Variants in IARS1 observed in about 807,000 individuals in gnomAD.
The protein encoded by IARS1 is isoleucyl-tRNA synthetase 1.
A neutral mutation model predicts 168.2 loss-of-function variants in IARS1; 124 were observed. The observed-to-expected ratio is 0.74, with a 90% CI of 0.64 to 0.86. The LOEUF (loss-of-function observed/expected upper bound fraction) is 0.86, where lower values mean the gene tolerates loss of function less well. Ranked by LOEUF, IARS1 falls within the 40% of genes least tolerant of loss-of-function variation. The pLI is 0.00. For missense variants in IARS1, 1,452 were observed against 1,515.8 expected, an observed-to-expected ratio of 0.96 and a Z score of 0.70; for synonymous variants, 532 against 529.4, an observed-to-expected ratio of 1.00 and a Z score of -0.07.
intron 24 of IARS1, 108 bp from the exon 25 acceptor site, chr9:92,250,049 A>G: frequency 1.2e-6 from 1 of 860,528 alleles, no homozygotes; most frequent in Non-Finnish European, 2.0e-6. Context: ...GTCAGGCTGG[A>G]CTAGTACTAA....
At chr9:92,237,532 T>C (rs759180134) in intron 30 of IARS1, among the ~76,000 whole-genome samples, 19 of 152,224 alleles carry the variant, frequency 1.2e-4, no homozygotes, top group Non-Finnish European at 5.9e-5. Context: ...AACTGGTCTA[T>C]TGATTACTGA....
In IARS1 at chr9:92,289,771, A is replaced by T. The variant is rs959481854; in HGVS notation, c.-7-345T>A. Among the ~76,000 whole-genome samples the T allele has an allele frequency of 4.6e-5, 7 of 152,226 alleles. No individual in the cohort carries two copies. The East Asian group carries it at 1.3e-3, about 29-fold the overall frequency. On this transcript the variant is annotated intron_variant, in intron 1 of 33. Transcript: ENST00000443024. ...GTCCCTGCAGATTTACCTATTCTGG[A>T]CATTTCATATAAATGGGAAAATTTA...
chr9:92,242,119 C>A, intron 29 of IARS1, 35 bp downstream of exon 29: 3 of 1,546,894 alleles, frequency 1.9e-6, no homozygotes, highest in Non-Finnish European at 2.7e-6. Flanking sequence ...AATCTGAAAC[C>A]CTTTAGTAGT....
chr9:92,256,833 A>G (rs777127073), intron 19 of IARS1, 33 bp from the exon 20 acceptor site: 22 of 1,583,026 alleles, frequency 1.4e-5, no homozygotes, highest in Non-Finnish European at 1.8e-5. Context: ...ACACTGGCAC[A>G]CTTGGGAAGA....
rs544714839 is a variant in IARS1, at chr9:92,251,900, G to C, written c.2230-15C>G. Reference sequence around the variant, plus strand: ...CCATTTTCACCCTAATGAGTAAAAAGGAAACATAAACATTAAACTGTTAAA... The same window carrying C: ...CCATTTTCACCCTAATGAGTAAAAACGAAACATAAACATTAAACTGTTAAA... On this transcript the variant is annotated splice_polypyrimidine_tract_variant and intron_variant, in intron 21 of 33. Coordinates refer to ENST00000443024, the MANE Select transcript of IARS1 (RefSeq NM_002161.6). 4 of 1,573,434 alleles carry C rather than the reference G, an allele frequency of 2.5e-6. No homozygotes were observed. Among genetic ancestry groups the C allele is most frequent in the East Asian group, 4.5e-5 (2 of 44,680 alleles).
At chr9:92,258,499 G>C (rs1831048130) in intron 19 of IARS1, among the ~76,000 whole-genome samples, 1 of 152,230 alleles carries the variant, frequency 6.6e-6, no homozygotes, top group Admixed American at 6.5e-5. Flanking sequence ...GGGAGGCTGA[G>C]GCAGTGCCTC....
chr9:92,290,978 T>C (rs1322317512), intron 1 of IARS1, among the ~76,000 whole-genome samples: 1 of 152,186 alleles, frequency 6.6e-6, no homozygotes, highest in East Asian at 1.9e-4. Flanking sequence ...CATTTTACCC[T>C]TTTTATTGCT....
At chr9:92,288,731 G>A (rs561991419) in intron 2 of IARS1, among the ~76,000 whole-genome samples, 1 of 152,072 alleles carries the variant, frequency 6.6e-6, no homozygotes, top group Non-Finnish European at 1.5e-5. Context: ...CGAGGGTGGT[G>A]ATGAAAATAA....
rs1828757391 is a variant in IARS1 at position 92,243,557 on chromosome 9, C to T, written c.2905-246G>A. On this transcript the variant is annotated intron_variant, in intron 27 of 33. Coordinates refer to ENST00000443024, the MANE Select transcript of IARS1 (RefSeq NM_002161.6). ...TTGTTTTTTTGTAGGGTGCTGCTCA[C>T]AGGAGATGCCCTGGGACCACCTCTT... is the stretch of plus-strand genomic sequence containing the variant. 1.2e-5 allele frequency: 4 copies of T among 345,772 alleles called. No individual in the cohort carries two copies. In the South Asian group the frequency reaches 1.3e-4, roughly 11 times the overall value. 21.4% of individuals were successfully genotyped at this position (345,772 alleles called of 1,614,324 possible). A position where few individuals can be genotyped will look rare whatever the true frequency, so the allele number is the denominator to read the frequency against.
rs1174377006 is a variant in IARS1 at position 92,256,689 on chromosome 9, C to T, written c.2128G>A (p.Glu710Lys). The T allele has an allele frequency of 6.2e-7, 1 of 1,613,488 alleles. No homozygotes were observed. Among genetic ancestry groups the T allele is most frequent in the Admixed American group, 1.7e-5 (1 of 60,004 alleles). The change falls in exon 20 of 34, where the codon GAA becomes AAA. Residue 710 changes from glutamate (E) to lysine (K), a missense_variant. Physicochemically the swap from Glu to Lys is moderately conservative, Grantham distance 56 (BLOSUM62 1). Coordinates refer to ENST00000443024, the MANE Select transcript of IARS1 (RefSeq NM_002161.6). ...ACCAAGAGAGACTCACCTGCCATTT[C>T]AGTCTCAAAGAAGCCAATGAGAGAC... Reference protein sequence around the residue: ...MQSLIGFFETEMAAYRLYTVV... With the variant: ...MQSLIGFFETKMAAYRLYTVV...
intron 22 of IARS1, 160 bp from the exon 23 acceptor site, chr9:92,250,994 T>C: frequency 2.8e-6 from 2 of 721,632 alleles, no homozygotes. Flanking sequence ...AGAAATGGCC[T>C]CATATCCCTG....
At position 92,274,338 on chromosome 9, in the gene IARS1, AC is replaced by A. The variant is rs377496304; in HGVS notation, c.990+87del. On this transcript the variant is annotated intron_variant, in intron 10 of 33. Coordinates refer to ENST00000443024, the MANE Select transcript of IARS1 (RefSeq NM_002161.6). Reference sequence around the variant, plus strand: ...AGCCAGAAAAGAGGCCAACCTGGTAACCCAACATGATGAGACACAGGACTCC... The same window carrying A: ...AGCCAGAAAAGAGGCCAACCTGGTAACCAACATGATGAGACACAGGACTCC... The A allele has an allele frequency of 9.4e-3, 9,221 of 984,966 alleles. 86 individuals carry two copies. Among genetic ancestry groups the A allele is most frequent in the Middle Eastern group, 0.021 (98 of 4,652 alleles). 61.0% of individuals were successfully genotyped at this position (984,966 alleles called of 1,614,324 possible).
intron 7 of IARS1, among the ~76,000 whole-genome samples, chr9:92,279,897 T>C (rs1273480844): frequency 6.6e-6 from 1 of 152,224 alleles, no homozygotes; most frequent in Non-Finnish European, 1.5e-5. Flanking sequence ...GTAGTATCTG[T>C]CTTTTGGTGA....
chr9:92,278,039 C>T, intron 8 of IARS1, 116 bp from the exon 9 acceptor site: 1 of 1,119,198 alleles, frequency 8.9e-7, no homozygotes, highest in Non-Finnish European at 1.3e-6. Context: ...GCCATTCATG[C>T]TGTAATGTGT....
chr9:92,216,947 C>G (rs991824683), intron 33 of IARS1, among the ~76,000 whole-genome samples: 1 of 151,334 alleles, frequency 6.6e-6, no homozygotes, highest in Admixed American at 6.6e-5. Context: ...CAGAACTCTC[C>G]ACCCCAAATT....
intron 1 of IARS1, among the ~76,000 whole-genome samples, chr9:92,292,933 T>C (rs139296797): frequency 1.1e-3 from 173 of 152,380 alleles, no homozygotes; most frequent in Admixed American, 4.4e-3. Context: ...TACTTAGGCA[T>C]GACATTTTTG....
intron 20 of IARS1, chr9:92,253,744 C>A (rs1830337467): frequency 2.0e-6 from 1 of 512,588 alleles, no homozygotes; most frequent in Admixed American, 2.4e-5. Flanking sequence ...GGATCAAAGT[C>A]CAAGACTGCC....
chr9:92,234,999 A>C (rs902572142), intron 30 of IARS1, among the ~76,000 whole-genome samples: 1 of 152,008 alleles, frequency 6.6e-6, no homozygotes, highest in Admixed American at 6.6e-5. Flanking sequence ...GACCGCCATC[A>C]CACCTAATTC....
chr9:92,258,354 G>T (rs1329978693), intron 19 of IARS1, among the ~76,000 whole-genome samples: 1 of 152,188 alleles, frequency 6.6e-6, no homozygotes, highest in Non-Finnish European at 1.5e-5. Context: ...GCACTTTTGG[G>T]AGGCCAAGAA....
Sources: gnomAD v4.1 joint callset for allele counts (sites outside exome capture counted in the v4.1 genomes callset) on GRCh38, gnomAD v4.1.1 for gene constraint, MANE v1.5 for transcripts, NCBI Gene and HGNC (gene_info 2026-07-23, HGNC 2026-07-21) for gene names.